SHROOM2: variants seen among roughly 807,000 people sequenced by gnomAD.
The protein encoded by SHROOM2 is shroom family member 2, also known as protein Shroom2.
Under a neutral mutation model 75.9 loss-of-function variants are expected in SHROOM2, and 33 were observed. The ratio of observed to expected loss-of-function variants is 0.43; its 90% CI spans 0.33 to 0.58. The LOEUF (loss-of-function observed/expected upper bound fraction) is 0.58. Among genes scored for constraint, SHROOM2 ranks in the 20% least tolerant of loss-of-function variants. SHROOM2 has a pLI of 0.04. For missense variants in SHROOM2, 1,434 were observed against 1,461.2 expected, an observed-to-expected ratio of 0.98 and a Z score of 0.30; for synonymous variants, 655 against 663.6, an observed-to-expected ratio of 0.99 and a Z score of 0.20.
intron 5 of SHROOM2, among the ~76,000 whole-genome samples, chrX:9,914,467 C>T (rs1204150608): frequency 9.1e-6 from 1 of 110,427 alleles, no homozygotes; most frequent in Non-Finnish European, 1.9e-5. Flanking sequence ...GGTAGGGGAG[C>T]AGTGGGAAGA....
chrX:9,946,704 C>T lies in SHROOM2; in HGVS notation c.4618C>T (p.Gln1540Ter). The change falls in exon 10 of 10, where the codon CAG becomes TAG. Residue 1540 changes from glutamine (Q) to a stop codon, truncating the protein, a stop_gained. Coordinates refer to ENST00000380913, the MANE Select transcript of SHROOM2 (RefSeq NM_001649.4). LOFTEE classifies it low-confidence loss of function (END_TRUNC). ...SLLEKQRVLI[Q>*]QHEDAKELKE... ...GCTTGAGAAGCAGAGAGTCCTGATC[C>T]AGCAGCACGAGGACGCCAAGGAGCT... The T allele has an allele frequency of 8.3e-7, 1 of 1,206,941 alleles. No homozygotes were observed. Among genetic ancestry groups the T allele is most frequent in the Non-Finnish European group, 1.1e-6 (1 of 892,775 alleles).
Position 9,895,043 on chromosome X carries a change from G to A in SHROOM2, c.1135G>A (p.Gly379Arg), listed in dbSNP as rs747327065. ...GAGGTCAGCACACCCGGGGAGCCTC[G>A]GGAAGGGATCGGGAGGCCCGGGCTG... ...PWRSAHPGSL[G>R]KGSGGPGCPQ... The change falls in exon 4 of 10, where the codon GGG becomes AGG. Residue 379 changes from glycine to arginine, a missense_variant. Transcript: ENST00000380913. The A allele has an allele frequency of 5.2e-5, 63 of 1,206,328 alleles. No individual in the cohort carries two copies. Among genetic ancestry groups the A allele is most frequent in the Non-Finnish European group, 5.9e-5 (53 of 893,380 alleles).
intron 2 of SHROOM2, among the ~76,000 whole-genome samples, chrX:9,885,594 G>T (rs1052240227): frequency 9.0e-6 from 1 of 111,465 alleles, no homozygotes; most frequent in African/African-American, 3.3e-5. Flanking sequence ...CAGTAACCAA[G>T]ATATCTTCAG....
intron 1 of SHROOM2, among the ~76,000 whole-genome samples, chrX:9,823,783 G>T (rs2083874248): frequency 1.3e-5 from 1 of 77,167 alleles, no homozygotes; most frequent in Non-Finnish European, 2.4e-5. Context: ...TTTTGAGACA[G>T]GGTCTTGCTC....
chrX:9,825,551 C>T (rs2083883398), intron 1 of SHROOM2, among the ~76,000 whole-genome samples: 1 of 112,524 alleles, frequency 8.9e-6, no homozygotes, highest in Non-Finnish European at 1.9e-5. Context: ...TACATCCACA[C>T]TGATAAAGAT....
At chrX:9,931,194 G>A (rs755297341) in intron 5 of SHROOM2, among the ~76,000 whole-genome samples, 4 of 110,949 alleles carry the variant, frequency 3.6e-5, no homozygotes, top group Non-Finnish European at 7.6e-5. Context: ...AGCCTGTGCT[G>A]TGTCTTCAGC....
intron 1 of SHROOM2, among the ~76,000 whole-genome samples, chrX:9,796,940 T>C (rs1437341375): frequency 8.9e-6 from 1 of 112,082 alleles, no homozygotes; most frequent in East Asian, 2.8e-4. Flanking sequence ...CCACTGTTCC[T>C]GGGCCAGAGT....
At chrX:9,826,302 C>G (rs1364222897) in intron 1 of SHROOM2, among the ~76,000 whole-genome samples, 1 of 112,569 alleles carries the variant, frequency 8.9e-6, no homozygotes, top group Non-Finnish European at 1.9e-5. Context: ...CCACGCCTCA[C>G]TGCTGGGCTC....
chrX:9,808,353 G>T (rs1279884726), intron 1 of SHROOM2, among the ~76,000 whole-genome samples: 1 of 103,315 alleles, frequency 9.7e-6, no homozygotes. Flanking sequence ...AGACCAGACT[G>T]GGCAATATAG....
At chrX:9,838,190 T>A (rs927698667) in intron 1 of SHROOM2, among the ~76,000 whole-genome samples, 4 of 108,014 alleles carry the variant, frequency 3.7e-5, no homozygotes, top group South Asian at 4.1e-4. Context: ...CCTCCCGAGT[T>A]GCTGGGACTA....
At chrX:9,808,775 T>C (rs2083773179) in intron 1 of SHROOM2, among the ~76,000 whole-genome samples, 1 of 110,025 alleles carries the variant, frequency 9.1e-6, no homozygotes, top group Admixed American at 9.8e-5. Context: ...GGCAAGAGAA[T>C]CGCTTGAACC....
intron 1 of SHROOM2, among the ~76,000 whole-genome samples, chrX:9,846,811 C>T (rs899130679): frequency 1.3e-4 from 15 of 112,374 alleles, no homozygotes; most frequent in Admixed American, 4.7e-4. Context: ...CGCCTCTGAG[C>T]CCATGCTTGG....
At chrX:9,807,071 G>A (rs1000818482) in intron 1 of SHROOM2, among the ~76,000 whole-genome samples, 17 of 111,445 alleles carry the variant, frequency 1.5e-4, no homozygotes, top group African/African-American at 1.3e-4. Context: ...AAGGCCTGCC[G>A]GGCCCTGGGT....
At chrX:9,923,171 G>A (rs917209300) in intron 5 of SHROOM2, among the ~76,000 whole-genome samples, 4 of 110,975 alleles carry the variant, frequency 3.6e-5, no homozygotes, top group African/African-American at 1.3e-4. Flanking sequence ...GCTACTGTGA[G>A]CAGTAGTCCA....
chrX:9,828,821 A>G lies in SHROOM2; in HGVS notation c.165+42111A>G, dbSNP rs776646233. ...TTCATCCACACATACAATTTTACGA[A>G]TGGCAAAGCAACGGTTATTTCTATT... On this transcript the variant is annotated intron_variant, in intron 1 of 9. Transcript: ENST00000380913. 1.1e-4 allele frequency among the ~76,000 whole-genome samples: 12 copies of G among 111,469 alleles called. No individual in the cohort carries two copies. In the East Asian group the frequency reaches 2.8e-3, roughly 26 times the overall value.
At chrX:9,865,706 G>A (rs2084132605) in intron 1 of SHROOM2, among the ~76,000 whole-genome samples, 1 of 108,529 alleles carries the variant, frequency 9.2e-6, no homozygotes, top group Admixed American at 9.9e-5. Flanking sequence ...GACTACAGGT[G>A]CCCGCCACCA....
chrX:9,814,902 G>C (rs1007331643), intron 1 of SHROOM2, among the ~76,000 whole-genome samples: 1 of 111,402 alleles, frequency 9.0e-6, no homozygotes, highest in African/African-American at 3.3e-5. Context: ...TCAGCCCCTC[G>C]CATGATAAGA....
Position 9,937,380 on chromosome X carries a change from G to A in SHROOM2, c.3834G>A (p.Pro1278=), listed in dbSNP as rs200401546. The change falls in exon 7 of 10, where the codon CCG becomes CCA. Residue 1278 remains proline (P), a synonymous_variant. Transcript: ENST00000380913. ...CCGAGGCCCCACATAGGGCCCAGCCGGCTGAGCCCCAGCCCCTGGGCACCC... is the reference window on the plus strand; with the variant it reads ...CCGAGGCCCCACATAGGGCCCAGCCAGCTGAGCCCCAGCCCCTGGGCACCC... ...AEPEAPHRAQ[P]AEPQPLGTQV... 5.9e-5 allele frequency: 71 copies of A among 1,204,063 alleles called. No individual in the cohort carries two copies. Among genetic ancestry groups the A allele is most frequent in the South Asian group, 3.8e-4 (21 of 55,857 alleles).
At chrX:9,834,489 G>C (rs923287063) in intron 1 of SHROOM2, among the ~76,000 whole-genome samples, 4 of 111,815 alleles carry the variant, frequency 3.6e-5, no homozygotes, top group African/African-American at 9.7e-5. Flanking sequence ...TCACTGCTTT[G>C]CTCAGGTGTT....
Sources: allele counts gnomAD v4.1 joint callset (sites outside exome capture counted in the v4.1 genomes callset), GRCh38; gene constraint gnomAD v4.1.1; transcripts MANE v1.5; gene names NCBI Gene and HGNC (gene_info 2026-07-23, HGNC 2026-07-21).